SEMA7A: variants seen among roughly 807,000 people sequenced by gnomAD.
SEMA7A encodes semaphorin 7A (JohnMiltonHagen blood group).
SEMA7A carries 21 observed loss-of-function variants against 67.5 expected under a neutral mutation model. That is an observed-to-expected ratio of 0.31 (90% CI 0.22 to 0.45). SEMA7A has a LOEUF of 0.45. Ranked by LOEUF, SEMA7A falls within the 20% of genes least tolerant of loss-of-function variation. The pLI, the probability that SEMA7A is intolerant of heterozygous loss-of-function variation, is 1.00. For synonymous variants in SEMA7A, 364 were observed against 368.5 expected (o/e 0.99, Z 0.14); for missense variants, 774 against 908.6 (o/e 0.85, Z 1.90).
chr15:74,429,709 C>G (rs1567079600), intron 1 of SEMA7A, among the ~76,000 whole-genome samples: 1 of 152,214 alleles, frequency 6.6e-6, no homozygotes, highest in Non-Finnish European at 1.5e-5. Flanking sequence ...TATCCCCTCA[C>G]CTATGCCCAT....
At position 74,416,318 on chromosome 15, in the gene SEMA7A, AACACACACACAC is replaced by A. The variant is rs371685466; in HGVS notation, c.801+245_801+256del. 5.1e-3 allele frequency among the ~76,000 whole-genome samples: 757 copies of A among 148,124 alleles called. 4 individuals carry two copies. Among genetic ancestry groups the A allele is most frequent in the African/African-American group, 0.018 (717 of 40,512 alleles). Reference sequence around the variant, plus strand: ...TGGCACAGCACATTCACACAGGCAAAACACACACACACACACACACACACCCCATCATACACA... The same window carrying A: ...TGGCACAGCACATTCACACAGGCAAAACACACACACACCCCATCATACACA... On this transcript the variant is annotated intron_variant, in intron 7 of 13. Coordinates refer to ENST00000261918, the MANE Select transcript of SEMA7A (RefSeq NM_003612.5).
intron 1 of SEMA7A, among the ~76,000 whole-genome samples, chr15:74,427,921 C>T (rs920292672): frequency 5.3e-5 from 8 of 152,232 alleles, no homozygotes; most frequent in African/African-American, 1.4e-4. Context: ...CCAGAGGAGC[C>T]GAACACAGAC....
intron 1 of SEMA7A, among the ~76,000 whole-genome samples, chr15:74,419,906 A>G (rs988651805): frequency 6.6e-6 from 1 of 152,210 alleles, no homozygotes; most frequent in Non-Finnish European, 1.5e-5. Context: ...ATCTCCAGTG[A>G]CACTGCTGAG....
Position 74,423,055 on chromosome 15 carries a change from CAG to C in SEMA7A, c.179-4105_179-4104del, listed in dbSNP as rs1480620135. On this transcript the variant is annotated intron_variant, in intron 1 of 13. Transcript: ENST00000261918. The surrounding 1 kb of genome is among the most constrained non-coding windows in gnomAD (Gnocchi z 4.1). ...CCTCAAGGAGCCTTTTGAAAGTGGG[CAG>C]AGAGTCAGGCTCTGAAAATGGCAGG... 6.6e-6 allele frequency among the ~76,000 whole-genome samples: 1 copy of C among 152,222 alleles called. No individual in the cohort carries two copies. Among genetic ancestry groups the C allele is most frequent in the African/African-American group, 2.4e-5 (1 of 41,462 alleles).
intron 1 of SEMA7A, among the ~76,000 whole-genome samples, chr15:74,422,027 A>G (rs2061004501): frequency 6.6e-6 from 1 of 152,136 alleles, no homozygotes; most frequent in South Asian, 2.1e-4. Flanking sequence ...AACCTGAGCA[A>G]AGGTGGGGAA....
At chr15:74,428,085 A>AC (rs1244301281) in intron 1 of SEMA7A, among the ~76,000 whole-genome samples, 1 of 152,246 alleles carries the variant, frequency 6.6e-6, no homozygotes, top group Non-Finnish European at 1.5e-5. Flanking sequence ...CCGAGCCGGG[A>AC]CACAGATCAA....
chr15:74,411,572 T>C lies in SEMA7A; in HGVS notation c.1561A>G (p.Ile521Val). 5 of 1,577,220 alleles carry C rather than the reference T, an allele frequency of 3.2e-6. No individual in the cohort carries two copies. Among genetic ancestry groups the C allele is most frequent in the East Asian group, 2.2e-5 (1 of 44,460 alleles). ...CCAACGTACCGTTCGGAGCTGTAGA[T>C]GGAGATGCAGCGGCCTTGGTCCCAG... ...CGWDQGRCIS[I>V]YSSERSVLQS... The change falls in exon 12 of 14, where the codon ATC becomes GTC. Residue 521 changes from isoleucine (I) to valine (V), a missense_variant. Ile to Val is a conservative substitution (Grantham distance 29, BLOSUM62 3). Coordinates refer to ENST00000261918, the MANE Select transcript of SEMA7A (RefSeq NM_003612.5). This position sits in a 1 kb window ranked among gnomAD's most constrained non-coding sequence, Gnocchi z 4.4.
chr15:74,430,337 C>T (rs1409650184), intron 1 of SEMA7A, among the ~76,000 whole-genome samples: 2 of 152,202 alleles, frequency 1.3e-5, no homozygotes, highest in East Asian at 1.9e-4. Context: ...ACAGACTCTG[C>T]CCAGCCCCTC....
chr15:74,423,384 T>C lies in SEMA7A; in HGVS notation c.179-4432A>G, dbSNP rs985146811. 6.6e-6 allele frequency among the ~76,000 whole-genome samples: 1 copy of C among 152,144 alleles called. No individual in the cohort carries two copies. Among genetic ancestry groups the C allele is most frequent in the African/African-American group, 2.4e-5 (1 of 41,430 alleles). On this transcript the variant is annotated intron_variant, in intron 1 of 13. Transcript: ENST00000261918. This position sits in a 1 kb window ranked among gnomAD's most constrained non-coding sequence, Gnocchi z 4.1. ...GGAAGGGAGAGGATCTAAACAGTCA[T>C]TGAACTGAAGGACACAGAGGCCAGA...
intron 1 of SEMA7A, among the ~76,000 whole-genome samples, chr15:74,420,795 C>T (rs931416716): frequency 6.6e-6 from 1 of 152,194 alleles, no homozygotes; most frequent in African/African-American, 2.4e-5. Flanking sequence ...GACAGTCTGC[C>T]GCCCCAACTC....
intron 3 of SEMA7A, 59 bp downstream of exon 3, chr15:74,418,209 G>C: frequency 6.5e-7 from 1 of 1,540,438 alleles, no homozygotes; most frequent in Admixed American, 1.7e-5. Flanking sequence ...TAGACCCTCA[G>C]GGTCTCCTCT....
intron 1 of SEMA7A, among the ~76,000 whole-genome samples, chr15:74,422,015 G>A (rs1301747401): frequency 1.3e-5 from 2 of 152,194 alleles, no homozygotes; most frequent in Admixed American, 6.5e-5. Flanking sequence ...GGCAGAGGAC[G>A]CAACCTGAGC....
intron 1 of SEMA7A, among the ~76,000 whole-genome samples, chr15:74,421,078 G>T (rs1379742080): frequency 6.6e-6 from 1 of 152,246 alleles, no homozygotes; most frequent in Non-Finnish European, 1.5e-5. Flanking sequence ...GACTCTGGGT[G>T]GGGGCACCCT....
At chr15:74,428,783 T>A (rs1481954696) in intron 1 of SEMA7A, among the ~76,000 whole-genome samples, 1 of 152,140 alleles carries the variant, frequency 6.6e-6, no homozygotes, top group African/African-American at 2.4e-5. Context: ...TGGGCACAGA[T>A]CTGGAGAGAT....
intron 4 of SEMA7A, 88 bp downstream of exon 4, chr15:74,417,789 G>A (rs747098874): frequency 8.6e-5 from 133 of 1,554,520 alleles, no homozygotes; most frequent in Non-Finnish European, 1.1e-4. Context: ...CAGCATTGGA[G>A]TCTCGCCATC....
At chr15:74,417,216 T>C (rs2060957957) in intron 6 of SEMA7A, 119 bp downstream of exon 6, 3 of 790,096 alleles carry the variant, frequency 3.8e-6, no homozygotes, top group Admixed American at 3.8e-5. Flanking sequence ...AAGGTCCTGC[T>C]TTCCTGCATG....
chr15:74,426,336 C>T (rs1258498979), intron 1 of SEMA7A, among the ~76,000 whole-genome samples: 1 of 152,128 alleles, frequency 6.6e-6, no homozygotes, highest in African/African-American at 2.4e-5. Context: ...ACACCATGGA[C>T]CCCATAAAGA....
Position 74,411,734 on chromosome 15 carries a change from C to A in SEMA7A, c.1423-24G>T. ...CTCTGGAAGGACAGCAGGATTGGGT[C>A]AGGCCCGGGCCCCACCCCACACTCA... On this transcript the variant is annotated intron_variant, in intron 11 of 13. Coordinates refer to ENST00000261918, the MANE Select transcript of SEMA7A (RefSeq NM_003612.5). This position sits in a 1 kb window ranked among gnomAD's most constrained non-coding sequence, Gnocchi z 4.4. 6.2e-7 allele frequency: 1 copy of A among 1,610,634 alleles called. No individual in the cohort carries two copies.
chr15:74,417,936 G>T lies in SEMA7A; in HGVS notation c.406C>A (p.Arg136=). ...CENYITLLER[R]SEGLLACGTN... The stretch of plus-strand genomic sequence containing the variant: ...CCACAGGCCAGCAGCCCCTCACTCC[G>T]CCTCTCCAGGAGAGTGATGTAGTTC... Residue 136 remains arginine, a synonymous_variant, in exon 4 of 14, where the codon CGG becomes AGG. Coordinates refer to ENST00000261918, the MANE Select transcript of SEMA7A (RefSeq NM_003612.5). 6.2e-7 allele frequency: 1 copy of T among 1,613,314 alleles called. No homozygotes were observed. Among genetic ancestry groups the T allele is most frequent in the Non-Finnish European group, 8.5e-7 (1 of 1,180,012 alleles).
Sources: gnomAD v4.1 joint callset for allele counts (sites outside exome capture counted in the v4.1 genomes callset) on GRCh38, gnomAD v4.1.1 for gene constraint, Gnocchi (gnomAD v3.1) non-coding constraint, MANE v1.5 for transcripts, NCBI Gene and HGNC (gene_info 2026-07-23, HGNC 2026-07-21) for gene names.